The following SLC38A8 variants were observed in gnomAD, a reference collection of about 807,000 sequenced individuals.
SLC38A8 encodes the protein amino acid transporter SLC38A8.
In SLC38A8, 65 loss-of-function variants were observed where a neutral mutation model predicts 46.0. The observed-to-expected ratio is 1.41, with a 90% confidence interval of 1.16 to 1.74. The LOEUF is 1.74. Among genes scored for constraint, SLC38A8 ranks in the 40% most tolerant of loss-of-function variants. The pLI, the probability that SLC38A8 is intolerant of heterozygous loss-of-function variation, is 0.00. For synonymous variants in SLC38A8, 447 were observed against 243.7 expected (o/e 1.83, Z -7.77); for missense variants, 998 against 567.9 (o/e 1.76, Z -7.70).
At chr16:84,039,002 G>A (rs935742739) in intron 2 of SLC38A8, among the ~76,000 whole-genome samples, 1 of 152,306 alleles carries the variant, frequency 6.6e-6, no homozygotes, top group East Asian at 1.9e-4. Context: ...AAGTGAAAAA[G>A]GGGTTTGCCT....
chr16:84,026,659 C>T (rs558495969), intron 6 of SLC38A8, among the ~76,000 whole-genome samples: 23 of 152,350 alleles, frequency 1.5e-4, no homozygotes, highest in Admixed American at 5.2e-4. Context: ...AAGTGGACCC[C>T]ACCCAGATGC....
At chr16:84,015,445 C>G (rs773527253) in intron 9 of SLC38A8, among the ~76,000 whole-genome samples, 1 of 152,034 alleles carries the variant, frequency 6.6e-6, no homozygotes, top group Non-Finnish European at 1.5e-5. Flanking sequence ...GTGCCTTGAG[C>G]CACGTGACTT....
intron 9 of SLC38A8, among the ~76,000 whole-genome samples, chr16:84,013,591 C>T (rs909074352): frequency 2.0e-5 from 3 of 151,620 alleles, no homozygotes; most frequent in Non-Finnish European, 4.4e-5. Flanking sequence ...CCACCACACC[C>T]CGCTCATTTT....
rs377031283 is a variant in SLC38A8 at position 84,013,069 on chromosome 16, G to T, written c.1163-17C>A. The stretch of plus-strand genomic sequence containing the variant: ...GGCACAAACCTGCAAAAAAGACAGG[G>T]TCACCCACAGTTCTTCGTTATCAAA... On this transcript the variant is annotated splice_polypyrimidine_tract_variant and intron_variant, in intron 9 of 10. Transcript: ENST00000299709. 6.2e-7 allele frequency: 1 copy of T among 1,613,952 alleles called. No individual in the cohort carries two copies. Among genetic ancestry groups the T allele is most frequent in the South Asian group, 1.1e-5 (1 of 91,068 alleles).
intron 9 of SLC38A8, 130 bp from the exon 10 acceptor site, chr16:84,013,182 C>G (rs939630089): frequency 2.1e-6 from 2 of 955,376 alleles, no homozygotes; most frequent in African/African-American, 3.3e-5. Context: ...CTGGCTCAGG[C>G]CCCCTGGAGA....
intron 10 of SLC38A8, among the ~76,000 whole-genome samples, chr16:84,010,572 T>C (rs2084941400): frequency 6.6e-6 from 1 of 151,622 alleles, no homozygotes; most frequent in African/African-American, 2.4e-5. Context: ...TGAAACCCCA[T>C]CTCTACTAAA....
chr16:84,016,751 CA>C, intron 8 of SLC38A8, 24 bp from the exon 9 acceptor site: 1 of 1,601,986 alleles, frequency 6.2e-7, no homozygotes. Context: ...CCAACACAGA[CA>C]CATGGGCATC....
intron 5 of SLC38A8, among the ~76,000 whole-genome samples, chr16:84,030,901 G>A (rs188730380): frequency 1.3e-5 from 2 of 152,284 alleles, no homozygotes; most frequent in East Asian, 3.9e-4. Flanking sequence ...AGCATATCCA[G>A]TCTGACTATT....
chr16:84,020,944 C>T (rs187278069), intron 7 of SLC38A8, among the ~76,000 whole-genome samples: 5 of 152,314 alleles, frequency 3.3e-5, no homozygotes, highest in Non-Finnish European at 4.4e-5. Flanking sequence ...TCAATTTCAT[C>T]TTCAAGTCAT....
intron 7 of SLC38A8, among the ~76,000 whole-genome samples, chr16:84,017,753 T>G (rs7192538): frequency 0.67 from 101,155 of 151,798 alleles, 35,387 homozygotes; most frequent in African/African-American, 0.89. Flanking sequence ...AAGAGCGCCA[T>G]TCCCTTTGCG....
Position 84,009,747 on chromosome 16 carries a change from C to G in SLC38A8, c.*37G>C, listed in dbSNP as rs754378314. Reference sequence around the variant, plus strand: ...ATACAGCAGCCACGTAGGGTCAGCCCCCGGAGGGCCCCTTCCTGCCCGGCA... The same window carrying G: ...ATACAGCAGCCACGTAGGGTCAGCCGCCGGAGGGCCCCTTCCTGCCCGGCA... On this transcript the variant is annotated 3_prime_UTR_variant, in exon 11 of 11. Coordinates refer to ENST00000299709, the MANE Select transcript of SLC38A8 (RefSeq NM_001080442.3). 5 of 1,590,988 alleles carry G rather than the reference C, an allele frequency of 3.1e-6. No homozygotes were observed. Among genetic ancestry groups the G allele is most frequent in the Non-Finnish European group, 4.3e-6 (5 of 1,165,028 alleles).
chr16:84,016,797 C>T (rs1420849453), intron 8 of SLC38A8, 70 bp from the exon 9 acceptor site: 1 of 1,493,740 alleles, frequency 6.7e-7, no homozygotes, highest in East Asian at 2.4e-5. Context: ...CAGCTGCTCC[C>T]CAGTCCTCCA....
rs538131835 is a variant in SLC38A8, at chr16:84,037,865, A to G, written c.190-965T>C. Among the ~76,000 whole-genome samples, 26 of 127,852 alleles carry G rather than the reference A, an allele frequency of 2.0e-4. 1 individual carries two copies. The South Asian group carries it at 6.2e-3, about 30-fold the overall frequency. 83.9% of individuals were successfully genotyped at this position (127,852 alleles called of 152,430 possible). A position where few individuals can be genotyped will look rare whatever the true frequency, so the allele number is the denominator to read the frequency against. ...GCTCTGTCACCCAGGCTGGAGTGCC[A>G]TGGCACGACCTCGGCTCATTGCAAC... is the stretch of plus-strand genomic sequence containing the variant. On this transcript the variant is annotated intron_variant, in intron 2 of 10. Coordinates refer to ENST00000299709, the MANE Select transcript of SLC38A8 (RefSeq NM_001080442.3).
chr16:84,037,836 T>C (rs1262361422), intron 2 of SLC38A8, among the ~76,000 whole-genome samples: 1 of 102,224 alleles, frequency 9.8e-6, no homozygotes, highest in African/African-American at 3.8e-5. Context: ...GGAGACGGAG[T>C]CTAGCTCTGT....
intron 2 of SLC38A8, among the ~76,000 whole-genome samples, chr16:84,039,093 G>A (rs1321033441): frequency 6.6e-6 from 1 of 152,188 alleles, no homozygotes; most frequent in Non-Finnish European, 1.5e-5. Context: ...TGTAGAGACA[G>A]AAGGGAAGGA....
chr16:84,039,721 C>A lies in SLC38A8; in HGVS notation c.189+2248G>T, dbSNP rs184083224. On this transcript the variant is annotated intron_variant, in intron 2 of 10. Coordinates refer to ENST00000299709, the MANE Select transcript of SLC38A8 (RefSeq NM_001080442.3). ...TGAGATCACGCCATTGCACTCCAGC[C>A]TGGGCAAGAGAGTGAGACCTTCAAA... 7.3e-4 allele frequency among the ~76,000 whole-genome samples: 97 copies of A among 133,730 alleles called. No homozygotes were observed. The East Asian group carries it at 0.018, about 25-fold the overall frequency. 87.7% of individuals were successfully genotyped at this position (133,730 alleles called of 152,430 possible).
chr16:84,014,404 G>A (rs1274614735), intron 9 of SLC38A8, among the ~76,000 whole-genome samples: 1 of 149,488 alleles, frequency 6.7e-6, no homozygotes, highest in Non-Finnish European at 1.5e-5. Flanking sequence ...GCTCCGCTCA[G>A]AGCATGCAGG....
intron 9 of SLC38A8, among the ~76,000 whole-genome samples, chr16:84,014,793 A>G (rs12444331): frequency 0.04 from 6,090 of 152,332 alleles, 191 homozygotes; most frequent in East Asian, 0.1. Context: ...TCACCTGCTA[A>G]GAACCCACTT....
At chr16:84,033,061 G>GTC (rs372092968) in intron 4 of SLC38A8, among the ~76,000 whole-genome samples, 10 of 151,380 alleles carry the variant, frequency 6.6e-5, no homozygotes, top group Admixed American at 2.0e-4. Context: ...GTGGGGAGGC[G>GTC]TCTCTCTCTC....
Sources: gnomAD v4.1 joint callset for allele counts (sites outside exome capture counted in the v4.1 genomes callset) on GRCh38, gnomAD v4.1.1 for gene constraint, MANE v1.5 for transcripts, NCBI Gene and HGNC (gene_info 2026-07-23, HGNC 2026-07-21) for gene names.